The following FOXN2 variants were observed in gnomAD, a reference collection of about 807,000 sequenced individuals.
FOXN2 encodes the protein forkhead box N2.
FOXN2 carries 19 observed loss-of-function variants against 41.2 expected under a neutral mutation model. The observed-to-expected ratio is 0.46, with a 90% CI of 0.32 to 0.68. FOXN2 has a LOEUF of 0.68. FOXN2 is among the 30% of genes least tolerant of loss of function. The pLI is 0.03. For missense variants in FOXN2, 587 were observed against 509.4 expected (o/e 1.15, Z -1.47); for synonymous variants, 195 against 176.8 (o/e 1.10, Z -0.82).
chr2:48,362,948 A>G (rs1672291507), intron 5 of FOXN2, among the ~76,000 whole-genome samples: 1 of 152,236 alleles, frequency 6.6e-6, no homozygotes, highest in Admixed American at 6.5e-5. Context: ...GTAGTTATGT[A>G]CATATGTTAA....
chr2:48,370,134 G>C (rs937438151), intron 5 of FOXN2, among the ~76,000 whole-genome samples: 1 of 152,176 alleles, frequency 6.6e-6, no homozygotes, highest in African/African-American at 2.4e-5. Flanking sequence ...AGTGGGGCCT[G>C]AAATTCAGCC....
chr2:48,353,792 T>C (rs954517563), intron 3 of FOXN2, among the ~76,000 whole-genome samples: 2 of 152,182 alleles, frequency 1.3e-5, no homozygotes, highest in African/African-American at 2.4e-5. Context: ...TTCTTTGAAA[T>C]TGATCTCCCT....
intron 3 of FOXN2, 82 bp from the exon 4 acceptor site, chr2:48,358,965 C>T (rs1216905467): frequency 4.0e-6 from 4 of 1,012,150 alleles, no homozygotes; most frequent in Non-Finnish European, 4.5e-6. Flanking sequence ...GATTATTTAC[C>T]CCTGCACATT....
intron 1 of FOXN2, 98 bp downstream of exon 1, chr2:48,314,912 C>G (rs1270413247): frequency 6.6e-6 from 1 of 151,878 alleles, no homozygotes; most frequent in Admixed American, 6.6e-5. Context: ...GCGACCCGCG[C>G]CAGGCGTGGG....
In FOXN2 at chr2:48,362,720, A is replaced by G. The variant is rs1006507686; in HGVS notation, c.703+13A>G. The G allele has an allele frequency of 6.2e-7, 1 of 1,605,140 alleles. No homozygotes were observed. ...CGAAACCTCAAAGGTATGTGTGAAT[A>G]TCAGTACAGTCATGCACCACACAAC... On this transcript the variant is annotated intron_variant, in intron 5 of 6. Coordinates refer to ENST00000340553, the MANE Select transcript of FOXN2 (RefSeq NM_002158.4).
chr2:48,369,462 C>T (rs963448623), intron 5 of FOXN2, among the ~76,000 whole-genome samples: 2 of 152,122 alleles, frequency 1.3e-5, no homozygotes, highest in Non-Finnish European at 2.9e-5. Flanking sequence ...CACTTGAACC[C>T]AGGAGGCAGA....
intron 3 of FOXN2, among the ~76,000 whole-genome samples, chr2:48,348,345 CA>C (rs1671244774): frequency 6.6e-6 from 1 of 152,062 alleles, no homozygotes; most frequent in Non-Finnish European, 1.5e-5. Flanking sequence ...AGGACTTCTT[CA>C]TGTTTTTAAT....
chr2:48,356,682 A>G (rs1053815212), intron 3 of FOXN2, among the ~76,000 whole-genome samples: 1 of 152,214 alleles, frequency 6.6e-6, no homozygotes, highest in Non-Finnish European at 1.5e-5. Flanking sequence ...GGTAGTAGAC[A>G]AGGTGAGCAA....
At position 48,324,707 on chromosome 2, in the gene FOXN2, T is replaced by G. The variant is rs541988602; in HGVS notation, c.-156-3854T>G. 7.9e-5 allele frequency among the ~76,000 whole-genome samples: 12 copies of G among 152,340 alleles called. No individual in the cohort carries two copies. In the South Asian group the frequency reaches 2.3e-3, roughly 29 times the overall value. The stretch of plus-strand genomic sequence containing the variant: ...TTGTTTTCTATTTTCTTTCTTTGGT[T>G]AACGATACTTTTGACTTGGTGTGTA... On this transcript the variant is annotated intron_variant, in intron 1 of 6. Transcript: ENST00000340553.
intron 1 of FOXN2, among the ~76,000 whole-genome samples, chr2:48,318,469 G>A (rs1389336187): frequency 6.6e-6 from 1 of 152,124 alleles, no homozygotes; most frequent in African/African-American, 2.4e-5. Flanking sequence ...ATCATATCAA[G>A]GATACAAACT....
At position 48,377,921 on chromosome 2, in the gene FOXN2, A is replaced by G. The variant is rs892930191; in HGVS notation, c.*2478A>G. 1.3e-5 allele frequency: 2 copies of G among 152,066 alleles called. No homozygotes were observed. The highest frequency in any genetic ancestry group is 2.9e-5 in the Non-Finnish European group (2 of 67,920). 9.4% of individuals were successfully genotyped at this position (152,066 alleles called of 1,614,324 possible). ...ATTAAGTAGAGTCATTCCAAGTCCT[A>G]TGGCCTGGAAATTGTATTCCCTATA... On this transcript the variant is annotated 3_prime_UTR_variant, in exon 7 of 7. Coordinates refer to ENST00000340553, the MANE Select transcript of FOXN2 (RefSeq NM_002158.4).
At position 48,350,108 on chromosome 2, in the gene FOXN2, A is replaced by G. The variant is rs796786055; in HGVS notation, c.537+3357A>G. On this transcript the variant is annotated intron_variant, in intron 3 of 6. Transcript: ENST00000340553. ...AGAATCTGCCAAGATTTAGGCAAAGATAGACCTAGAGCTGCATTCTTCAGT... is the reference window on the plus strand; with the variant it reads ...AGAATCTGCCAAGATTTAGGCAAAGGTAGACCTAGAGCTGCATTCTTCAGT... 5.9e-5 allele frequency among the ~76,000 whole-genome samples: 9 copies of G among 152,354 alleles called. 1 individual carries two copies. The highest frequency in any genetic ancestry group is 2.2e-4 in the African/African-American group (9 of 41,592).
chr2:48,346,162 T>A (rs1671084769), intron 2 of FOXN2, 39 bp from the exon 3 acceptor site: 2 of 1,497,280 alleles, frequency 1.3e-6, no homozygotes, highest in African/African-American at 1.4e-5. Context: ...AGTTTAAGAA[T>A]CTAAAGTATT....
chr2:48,362,645 G>T lies in FOXN2; in HGVS notation c.641G>T (p.Gly214Val), dbSNP rs1466895575. The T allele has an allele frequency of 1.2e-6, 2 of 1,613,344 alleles. No homozygotes were observed. The highest frequency in any genetic ancestry group is 8.5e-7 in the Non-Finnish European group (1 of 1,179,664). The stretch of plus-strand genomic sequence containing the variant: ...TTGCTTTTCTGTTTGTTTTTCAGTG[G>T]TTCTTTATCACCTCACTATTTAAGC... ...QPFSSASSQNGSLSPHYLSSV... is the reference protein window; with the variant it reads ...QPFSSASSQNVSLSPHYLSSV... Residue 214 changes from glycine (G) to valine (V), a missense_variant and splice_region_variant, in exon 5 of 7, where the codon GGT becomes GTT. Transcript: ENST00000340553.
At chr2:48,368,303 TA>T (rs759952655) in intron 5 of FOXN2, among the ~76,000 whole-genome samples, 21 of 152,232 alleles carry the variant, frequency 1.4e-4, no homozygotes, top group Non-Finnish European at 2.6e-4. Flanking sequence ...TAGAATAAAG[TA>T]CTTTATCAAT....
intron 3 of FOXN2, 143 bp downstream of exon 3, chr2:48,346,894 C>A: frequency 1.5e-6 from 1 of 652,958 alleles, no homozygotes; most frequent in Non-Finnish European, 2.4e-6. Context: ...CATTTGTTTT[C>A]ACTTGAGATG....
intron 1 of FOXN2, among the ~76,000 whole-genome samples, chr2:48,324,383 C>T (rs1056090634): frequency 3.3e-5 from 5 of 151,992 alleles, no homozygotes; most frequent in African/African-American, 7.3e-5. Context: ...TTAGTAGAGA[C>T]GGGTTTTGCC....
At chr2:48,321,285 C>CAGCACTTTG (rs1477742804) in intron 1 of FOXN2, among the ~76,000 whole-genome samples, 1 of 152,122 alleles carries the variant, frequency 6.6e-6, no homozygotes, top group Non-Finnish European at 1.5e-5. Context: ...CCTGTAATCC[C>CAGCACTTTG]AGCACTTTGG....
intron 3 of FOXN2, among the ~76,000 whole-genome samples, chr2:48,354,768 G>T (rs1372513475): frequency 6.6e-6 from 1 of 152,132 alleles, no homozygotes; most frequent in African/African-American, 2.4e-5. Flanking sequence ...ATAGAAAAAT[G>T]GGCAAGTATA....
Sources: gnomAD v4.1 joint callset for allele counts (sites outside exome capture counted in the v4.1 genomes callset) on GRCh38, gnomAD v4.1.1 for gene constraint, MANE v1.5 for transcripts, NCBI Gene and HGNC (gene_info 2026-07-23, HGNC 2026-07-21) for gene names.